NEK11: variants seen among roughly 807,000 people sequenced by gnomAD.
NEK11 encodes NIMA related kinase 11.
In NEK11, 72 loss-of-function variants were observed where a neutral mutation model predicts 80.7. That is an observed-to-expected ratio of 0.89 (90% confidence interval 0.74 to 1.08). The LOEUF (loss-of-function observed/expected upper bound fraction) is 1.08, where lower values mean the gene tolerates loss of function less well. NEK11 is among the 50% of genes least tolerant of loss of function. The pLI, the probability that NEK11 is intolerant of heterozygous loss-of-function variation, is 0.00. For missense variants in NEK11, 764 were observed against 763.6 expected (o/e 1.00, Z -0.01); for synonymous variants, 251 against 260.7 (o/e 0.96, Z 0.36).
chr3:131,155,414 C>T (rs760984402), intron 10 of NEK11, among the ~76,000 whole-genome samples: 22 of 152,184 alleles, frequency 1.4e-4, no homozygotes, highest in Admixed American at 1.2e-3. Context: ...TATTTAGTAA[C>T]ATTTATGCTA....
intron 3 of NEK11, among the ~76,000 whole-genome samples, chr3:131,074,111 C>T (rs1420774011): frequency 1.3e-5 from 2 of 152,124 alleles, no homozygotes; most frequent in African/African-American, 4.8e-5. Flanking sequence ...TGGCTTCCTT[C>T]CCCTCCTGTC....
At chr3:131,141,894 A>G (rs2086983188) in intron 7 of NEK11, among the ~76,000 whole-genome samples, 1 of 152,218 alleles carries the variant, frequency 6.6e-6, no homozygotes, top group East Asian at 1.9e-4. Context: ...TTGTACTTTC[A>G]TCTTCTGGAG....
intron 7 of NEK11, among the ~76,000 whole-genome samples, chr3:131,140,008 G>A (rs954211538): frequency 2.0e-5 from 3 of 152,134 alleles, no homozygotes; most frequent in Non-Finnish European, 4.4e-5. Context: ...GGGGCATGTG[G>A]CAGATTGTAT....
intron 3 of NEK11, among the ~76,000 whole-genome samples, chr3:131,035,684 C>A (rs2065531807): frequency 1.4e-5 from 2 of 145,676 alleles, no homozygotes. Flanking sequence ...ATGAACAGTA[C>A]CTCCTCCTTT....
At position 131,331,907 on chromosome 3, in the gene NEK11, G is replaced by A. The variant is rs553123799; in HGVS notation, c.1719-17650G>A. On this transcript the variant is annotated intron_variant, in intron 17 of 17. Transcript: ENST00000383366. ...CAAACTGCAAGGCGGCAGCGAGGCTGGGGGAGGGGCGCCTGCCATTGCCCA... is the reference window on the plus strand; with the variant it reads ...CAAACTGCAAGGCGGCAGCGAGGCTAGGGGAGGGGCGCCTGCCATTGCCCA... 4.5e-4 allele frequency among the ~76,000 whole-genome samples: 68 copies of A among 152,336 alleles called. 2 individuals carry two copies. Among genetic ancestry groups the A allele is most frequent in the Admixed American group, 2.6e-3 (40 of 15,310 alleles).
intron 3 of NEK11, among the ~76,000 whole-genome samples, chr3:131,056,207 C>G (rs536173641): frequency 6.6e-6 from 1 of 152,290 alleles, no homozygotes; most frequent in South Asian, 2.1e-4. Flanking sequence ...TGTTTCTGCT[C>G]TGCTGAAGAG....
chr3:131,200,218 A>C (rs2094175012), intron 14 of NEK11, among the ~76,000 whole-genome samples: 1 of 152,220 alleles, frequency 6.6e-6, no homozygotes, highest in South Asian at 2.1e-4. Context: ...TACTGAAAGA[A>C]AGTAACTTCC....
intron 11 of NEK11, among the ~76,000 whole-genome samples, chr3:131,163,870 A>G (rs993608835): frequency 2.6e-5 from 4 of 152,330 alleles, no homozygotes; most frequent in African/African-American, 7.2e-5. Context: ...TAGAGCCTCA[A>G]TTTCTGAAAG....
At chr3:131,278,979 C>T (rs2096351013) in intron 17 of NEK11, among the ~76,000 whole-genome samples, 1 of 151,812 alleles carries the variant, frequency 6.6e-6, no homozygotes, top group Non-Finnish European at 1.5e-5. Context: ...ACATTTGTTA[C>T]CAGAATGTGA....
intron 17 of NEK11, among the ~76,000 whole-genome samples, chr3:131,305,000 C>T (rs2096707892): frequency 6.6e-6 from 1 of 151,640 alleles, no homozygotes; most frequent in Non-Finnish European, 1.5e-5. Context: ...GTGGGGTTGC[C>T]AGCATTTGTG....
At chr3:131,133,272 A>T in intron 6 of NEK11, 1 of 455,712 alleles carries the variant, frequency 2.2e-6, no homozygotes, top group Non-Finnish European at 4.4e-6. Flanking sequence ...CTCTCCTCAT[A>T]ACAGCTACTG....
intron 14 of NEK11, among the ~76,000 whole-genome samples, chr3:131,180,274 T>C (rs747338246): frequency 6.6e-5 from 10 of 152,192 alleles, no homozygotes; most frequent in Non-Finnish European, 1.3e-4. Context: ...GAATCAGATA[T>C]GGGTGAACAC....
intron 4 of NEK11, among the ~76,000 whole-genome samples, chr3:131,107,509 G>A (rs189061668): frequency 1.3e-5 from 2 of 152,070 alleles, no homozygotes; most frequent in East Asian, 3.9e-4. Context: ...GAAGAAGATG[G>A]CAACATGTAG....
chr3:131,337,657 A>C (rs942788603), intron 17 of NEK11, among the ~76,000 whole-genome samples: 1 of 151,834 alleles, frequency 6.6e-6, no homozygotes, highest in Non-Finnish European at 1.5e-5. Flanking sequence ...AAATAAATAA[A>C]AATAAAAATC....
intron 17 of NEK11, among the ~76,000 whole-genome samples, chr3:131,275,623 A>G (rs935112680): frequency 2.0e-5 from 3 of 152,168 alleles, no homozygotes; most frequent in Admixed American, 6.5e-5. Flanking sequence ...TTATATTGTG[A>G]ATCCTTATGC....
intron 14 of NEK11, among the ~76,000 whole-genome samples, chr3:131,215,858 C>G (rs2094817959): frequency 6.6e-6 from 1 of 152,166 alleles, no homozygotes; most frequent in Admixed American, 6.5e-5. Flanking sequence ...TCAAAGAAAT[C>G]TGGCCAAACT....
At chr3:131,323,136 A>G (rs1316921343) in intron 17 of NEK11, among the ~76,000 whole-genome samples, 1 of 152,082 alleles carries the variant, frequency 6.6e-6, no homozygotes, top group Non-Finnish European at 1.5e-5. Context: ...AGTAGCTAGG[A>G]CAAACAAACA....
chr3:131,313,159 C>T (rs115086174), intron 17 of NEK11, among the ~76,000 whole-genome samples: 1,595 of 152,200 alleles, frequency 0.01, 24 homozygotes, highest in African/African-American at 0.034. Flanking sequence ...CATGATCTCA[C>T]TTTTTACAGC....
intron 17 of NEK11, among the ~76,000 whole-genome samples, chr3:131,336,463 T>C (rs1488694479): frequency 2.0e-5 from 3 of 152,118 alleles, no homozygotes; most frequent in African/African-American, 7.2e-5. Context: ...ATACAAAAAT[T>C]AATTCAAGAT....
Sources: gnomAD v4.1 joint callset for allele counts (sites outside exome capture counted in the v4.1 genomes callset) on GRCh38, gnomAD v4.1.1 for gene constraint, MANE v1.5 for transcripts, NCBI Gene and HGNC (gene_info 2026-07-23, HGNC 2026-07-21) for gene names.